LRRTM4: variants seen among roughly 807,000 people sequenced by gnomAD.
LRRTM4 encodes the protein leucine-rich repeat transmembrane neuronal protein 4.
LRRTM4 carries 25 observed loss-of-function variants against 47.6 expected under a neutral mutation model. The observed-to-expected ratio is 0.53, with a 90% CI of 0.38 to 0.73. LRRTM4 has a LOEUF of 0.73. Among genes scored for constraint, LRRTM4 ranks in the 30% least tolerant of loss-of-function variants. The pLI, the probability that LRRTM4 is intolerant of heterozygous loss-of-function variation, is 0.00. For synonymous variants in LRRTM4, 311 were observed against 269.5 expected (o/e 1.15, Z -1.51); for missense variants, 638 against 713.4 (o/e 0.89, Z 1.20).
chr2:77,241,458 G>C (rs142484983), intron 3 of LRRTM4, among the ~76,000 whole-genome samples: 62 of 151,732 alleles, frequency 4.1e-4, no homozygotes, highest in African/African-American at 1.3e-3. Context: ...ATAACAAGGG[G>C]GTAAAAATGC....
At chr2:76,856,498 C>T in intron 3 of LRRTM4, among the ~76,000 whole-genome samples, 1 of 151,908 alleles carries the variant, frequency 6.6e-6, no homozygotes, top group Middle Eastern at 3.2e-3. Flanking sequence ...TATACATAGA[C>T]CTTAATCTCA....
At chr2:77,313,889 T>C (rs1472553731) in intron 3 of LRRTM4, among the ~76,000 whole-genome samples, 1 of 152,214 alleles carries the variant, frequency 6.6e-6, no homozygotes, top group Admixed American at 6.5e-5. Flanking sequence ...TAATGCATTA[T>C]TACATTTTCC....
chr2:77,269,113 A>G (rs1030069830), intron 3 of LRRTM4, among the ~76,000 whole-genome samples: 6 of 151,724 alleles, frequency 4.0e-5, no homozygotes, highest in Non-Finnish European at 8.8e-5. Context: ...CTGAAATTTT[A>G]TTTTTTCTGT....
chr2:77,131,571 T>C (rs1671804359), intron 3 of LRRTM4, among the ~76,000 whole-genome samples: 1 of 152,202 alleles, frequency 6.6e-6, no homozygotes. Flanking sequence ...ACAAGAGTAA[T>C]ATATTGCATA....
At chr2:77,082,281 G>C (rs895092264) in intron 3 of LRRTM4, among the ~76,000 whole-genome samples, 1 of 151,788 alleles carries the variant, frequency 6.6e-6, no homozygotes, top group Non-Finnish European at 1.5e-5. Context: ...ATTAATTCAC[G>C]AACAATTTTT....
At chr2:77,148,428 T>G (rs1672317730) in intron 3 of LRRTM4, among the ~76,000 whole-genome samples, 1 of 152,102 alleles carries the variant, frequency 6.6e-6, no homozygotes, top group Non-Finnish European at 1.5e-5. Context: ...TTCATCATTC[T>G]TTTTTTCCCC....
At chr2:77,493,574 G>C (rs1192214152) in intron 3 of LRRTM4, among the ~76,000 whole-genome samples, 1 of 151,874 alleles carries the variant, frequency 6.6e-6, no homozygotes, top group East Asian at 1.9e-4. Flanking sequence ...CTTAAAAGTT[G>C]ATCAATTTCA....
chr2:77,457,425 T>C (rs1676605408), intron 3 of LRRTM4, among the ~76,000 whole-genome samples: 1 of 152,048 alleles, frequency 6.6e-6, no homozygotes, highest in Admixed American at 6.6e-5. Context: ...TATCTACACC[T>C]CTAACCCCAT....
At chr2:77,284,420 ATTTTGTC>A (rs1354572454) in intron 3 of LRRTM4, among the ~76,000 whole-genome samples, 1 of 152,068 alleles carries the variant, frequency 6.6e-6, no homozygotes, top group Non-Finnish European at 1.5e-5. Flanking sequence ...GCTTTTTGAT[ATTTTGTC>A]TTTTCATTAA....
chr2:77,460,655 G>A (rs1267523472), intron 3 of LRRTM4, among the ~76,000 whole-genome samples: 1 of 152,046 alleles, frequency 6.6e-6, no homozygotes, highest in Non-Finnish European at 1.5e-5. Flanking sequence ...TTGAAATGGT[G>A]CATTCTCTTA....
chr2:77,152,174 G>A (rs1463674609), intron 3 of LRRTM4, among the ~76,000 whole-genome samples: 3 of 152,126 alleles, frequency 2.0e-5, no homozygotes, highest in South Asian at 4.1e-4. Context: ...GGCCTGCAAA[G>A]GATGTGAACT....
chr2:76,762,203 C>T (rs1471712589), intron 3 of LRRTM4, among the ~76,000 whole-genome samples: 1 of 152,166 alleles, frequency 6.6e-6, no homozygotes, highest in Non-Finnish European at 1.5e-5. Context: ...TACAGACTAC[C>T]TCCATTAGCT....
At chr2:76,811,333 G>GTAGT (rs1039273418) in intron 3 of LRRTM4, among the ~76,000 whole-genome samples, 1 of 152,120 alleles carries the variant, frequency 6.6e-6, no homozygotes, top group Non-Finnish European at 1.5e-5. Flanking sequence ...ATCCAATTAT[G>GTAGT]TAGTTGCTAC....
At position 76,937,335 on chromosome 2, in the gene LRRTM4, GGTTTCTAGGAA is replaced by G. The variant is rs536183572; in HGVS notation, c.1552-188430_1552-188420del. 3.0e-3 allele frequency among the ~76,000 whole-genome samples: 458 copies of G among 152,110 alleles called. 2 individuals are homozygous for G. Among genetic ancestry groups the G allele is most frequent in the African/African-American group, 0.011 (438 of 41,510 alleles). On this transcript the variant is annotated intron_variant, in intron 3 of 3. Coordinates refer to ENST00000409884, the MANE Select transcript of LRRTM4 (RefSeq NM_001134745.3). ...TAATCAGATATGGAGGAAAAATGGG[GGTTTCTAGGAA>G]GTTCTACTGGAAGGCAGGACTTTGA...
intron 3 of LRRTM4, among the ~76,000 whole-genome samples, chr2:76,853,184 G>A (rs1224047364): frequency 6.6e-6 from 1 of 152,026 alleles, no homozygotes; most frequent in Non-Finnish European, 1.5e-5. Flanking sequence ...GATAGATAAC[G>A]CTGGGTACAG....
At chr2:77,127,015 T>C (rs906703216) in intron 3 of LRRTM4, among the ~76,000 whole-genome samples, 1 of 152,206 alleles carries the variant, frequency 6.6e-6, no homozygotes, top group Non-Finnish European at 1.5e-5. Flanking sequence ...ACTGTCTTCA[T>C]GTACAAATAC....
chr2:76,864,372 A>G (rs1672404209), intron 3 of LRRTM4, among the ~76,000 whole-genome samples: 1 of 152,164 alleles, frequency 6.6e-6, no homozygotes, highest in South Asian at 2.1e-4. Flanking sequence ...AAAGAAATGA[A>G]GTGGGCTGGG....
intron 3 of LRRTM4, among the ~76,000 whole-genome samples, chr2:76,982,055 A>T (rs1006116110): frequency 6.6e-6 from 1 of 151,994 alleles, no homozygotes; most frequent in Admixed American, 6.6e-5. Context: ...GTGCTCAGTG[A>T]ATTTCTATTT....
At chr2:76,882,508 A>G (rs1251718626) in intron 3 of LRRTM4, among the ~76,000 whole-genome samples, 5 of 151,806 alleles carry the variant, frequency 3.3e-5, no homozygotes, top group African/African-American at 4.8e-5. Context: ...TCCAAGCAAC[A>G]AAGTGAGGCC....
Sources: gnomAD v4.1 joint callset for allele counts (sites outside exome capture counted in the v4.1 genomes callset) on GRCh38, gnomAD v4.1.1 for gene constraint, MANE v1.5 for transcripts, NCBI Gene and HGNC (gene_info 2026-07-23, HGNC 2026-07-21) for gene names.